KCNMA1: variants seen among roughly 807,000 people sequenced by gnomAD.
KCNMA1 encodes the protein potassium calcium-activated channel subfamily M alpha 1.
In KCNMA1, 29 loss-of-function variants were observed where a neutral mutation model predicts 140.0. That is an observed-to-expected ratio of 0.21 (90% CI 0.15 to 0.28). KCNMA1 has a LOEUF of 0.28. Among genes scored for constraint, KCNMA1 ranks in the 10% least tolerant of loss-of-function variants. KCNMA1 has a pLI of 1.00. For missense variants in KCNMA1, 880 were observed against 1,602.2 expected, an observed-to-expected ratio of 0.55 and a Z score of 7.70; for synonymous variants, 612 against 611.9, an observed-to-expected ratio of 1.00 and a Z score of 0.00.
chr10:77,076,366 C>A (rs1428244842), intron 13 of KCNMA1, among the ~76,000 whole-genome samples: 1 of 152,172 alleles, frequency 6.6e-6, no homozygotes, highest in Admixed American at 6.5e-5. Context: ...GAGCCATTTA[C>A]ACTCAAATCA....
chr10:77,361,321 G>A (rs2093929675), intron 2 of KCNMA1, among the ~76,000 whole-genome samples: 1 of 152,206 alleles, frequency 6.6e-6, no homozygotes, highest in Admixed American at 6.5e-5. Flanking sequence ...TGAATTCAGA[G>A]CCTTTTGCTC....
chr10:77,155,499 T>C (rs2098472583), intron 5 of KCNMA1, among the ~76,000 whole-genome samples: 1 of 152,100 alleles, frequency 6.6e-6, no homozygotes, highest in Non-Finnish European at 1.5e-5. Context: ...GCGGTTGAAA[T>C]TTAGGCAGTG....
intron 25 of KCNMA1, chr10:76,905,178 G>A (rs905889425): frequency 2.6e-5 from 4 of 152,174 alleles, no homozygotes; most frequent in African/African-American, 7.2e-5. Flanking sequence ...GTGACATTTC[G>A]AGACTTCTAT....
At chr10:77,566,220 C>A (rs1364908364) in intron 1 of KCNMA1, among the ~76,000 whole-genome samples, 2 of 152,100 alleles carry the variant, frequency 1.3e-5, no homozygotes, top group Non-Finnish European at 2.9e-5. Flanking sequence ...AAGCTGCAGC[C>A]CTCTGGGGAA....
At chr10:76,872,385 T>A (rs916821296), downstream of KCNMA1, 1 of 152,238 alleles carries the variant, frequency 6.6e-6, no homozygotes, top group African/African-American at 2.4e-5. Context: ...TCTCATGATA[T>A]CTTCCAGGAA....
At chr10:77,174,932 G>C (rs114529346) in intron 5 of KCNMA1, among the ~76,000 whole-genome samples, 2,069 of 152,280 alleles carry the variant, frequency 0.014, 67 homozygotes, top group African/African-American at 0.047. Context: ...GAGATTCTTA[G>C]GTTAATGGTT....
At chr10:77,242,009 C>A (rs1332746815) in intron 3 of KCNMA1, among the ~76,000 whole-genome samples, 1 of 152,082 alleles carries the variant, frequency 6.6e-6, no homozygotes, top group Non-Finnish European at 1.5e-5. Context: ...AACAACCATG[C>A]CCACACTGTG....
In KCNMA1 at chr10:76,944,877, A is replaced by G. The variant is rs563447007; in HGVS notation, c.2798T>C (p.Ile933Thr). The change falls in exon 23 of 28, where the codon ATT becomes ACT. Residue 933 changes from isoleucine to threonine, a missense_variant. Ile to Thr is a moderately conservative substitution (Grantham distance 89). Transcript: ENST00000286628. ...CVILSANQNN[I>T]DDTSLQDKEC... ...CTTGTCCTGCAGCGAAGTATCATCA[A>G]TATTATTCTGATTGGCTGACAGGAT... 7 of 1,614,106 alleles carry G rather than the reference A, an allele frequency of 4.3e-6. No homozygotes were observed. In the African/African-American group the frequency reaches 9.3e-5, roughly 22 times the overall value.
rs1000927288 is a variant in KCNMA1, at chr10:77,542,348, T to G, written c.378+94917A>C. 3.9e-5 allele frequency among the ~76,000 whole-genome samples: 6 copies of G among 152,342 alleles called. No individual in the cohort carries two copies. In the East Asian group the frequency reaches 1.2e-3, roughly 29 times the overall value. On this transcript the variant is annotated intron_variant, in intron 1 of 27. Transcript: ENST00000286628. ...TCTTCTGCATAGTGAGAGGATGCCA[T>G]GCCTGAGAATATGACAGAATCCCTG...
At chr10:77,460,682 G>C (rs1216714488) in intron 1 of KCNMA1, among the ~76,000 whole-genome samples, 4 of 152,158 alleles carry the variant, frequency 2.6e-5, no homozygotes. Context: ...GACAGAAAGT[G>C]ATGGGTACAC....
chr10:76,895,287 C>T (rs184146166), intron 25 of KCNMA1, among the ~76,000 whole-genome samples: 2 of 152,188 alleles, frequency 1.3e-5, no homozygotes, highest in East Asian at 1.9e-4. Flanking sequence ...TGCCGCTGGC[C>T]GAATAAACCT....
intron 1 of KCNMA1, among the ~76,000 whole-genome samples, chr10:77,412,667 T>C (rs184743460): frequency 1.9e-3 from 293 of 152,270 alleles, no homozygotes; most frequent in Non-Finnish European, 2.7e-3. Context: ...GGGGGGCTGG[T>C]TACCAAGGGA....
At chr10:77,058,932 C>T (rs115715657) in intron 14 of KCNMA1, among the ~76,000 whole-genome samples, 2,588 of 150,240 alleles carry the variant, frequency 0.017, 75 homozygotes, top group African/African-American at 0.059. Flanking sequence ...AAACCAAAGC[C>T]GATTATTTAA....
chr10:77,344,758 A>C (rs1469250895), intron 2 of KCNMA1, among the ~76,000 whole-genome samples: 1 of 152,036 alleles, frequency 6.6e-6, no homozygotes, highest in African/African-American at 2.4e-5. Context: ...ATCACTCATC[A>C]CTACCTTAAA....
At chr10:77,166,139 T>G (rs2098639546) in intron 5 of KCNMA1, among the ~76,000 whole-genome samples, 2 of 152,122 alleles carry the variant, frequency 1.3e-5, no homozygotes, top group African/African-American at 4.8e-5. Flanking sequence ...GAAGTACTTG[T>G]ACTAATGGAA....
At chr10:77,141,805 C>T (rs7918564) in intron 5 of KCNMA1, among the ~76,000 whole-genome samples, 66,116 of 152,008 alleles carry the variant, frequency 0.43, 15,108 homozygotes, top group Non-Finnish European at 0.49. Flanking sequence ...ATTTAATCCC[C>T]ACCTATTTTT....
At chr10:77,043,626 G>A (rs945624241) in intron 14 of KCNMA1, among the ~76,000 whole-genome samples, 5 of 152,170 alleles carry the variant, frequency 3.3e-5, no homozygotes, top group Non-Finnish European at 7.3e-5. Flanking sequence ...GATAAACAAA[G>A]TGTGGTAATT....
At chr10:77,276,149 A>G (rs1049759117) in intron 2 of KCNMA1, among the ~76,000 whole-genome samples, 1 of 152,224 alleles carries the variant, frequency 6.6e-6, no homozygotes, top group African/African-American at 2.4e-5. Context: ...AGACACGCAC[A>G]GAATCAGCAC....
intron 19 of KCNMA1, among the ~76,000 whole-genome samples, chr10:76,988,846 T>C (rs2081991818): frequency 6.6e-6 from 1 of 152,180 alleles, no homozygotes; most frequent in Non-Finnish European, 1.5e-5. Flanking sequence ...CACACATTTA[T>C]TTTCATCCAT....
Sources: allele counts gnomAD v4.1 joint callset (sites outside exome capture counted in the v4.1 genomes callset), GRCh38; gene constraint gnomAD v4.1.1; transcripts MANE v1.5; gene names NCBI Gene and HGNC (gene_info 2026-07-23, HGNC 2026-07-21).